Variants in RPS6KB1 observed in about 807,000 individuals in gnomAD.
The protein encoded by RPS6KB1 is ribosomal protein S6 kinase beta-1.
A neutral mutation model predicts 70.2 loss-of-function variants in RPS6KB1; 12 were observed. The ratio of observed to expected loss-of-function variants is 0.17; its 90% CI spans 0.11 to 0.28. RPS6KB1 has a LOEUF of 0.28. Among genes scored for constraint, RPS6KB1 ranks in the 10% least tolerant of loss-of-function variants. RPS6KB1 has a pLI of 1.00. For synonymous variants in RPS6KB1, 175 were observed against 211.2 expected (o/e 0.83, Z 1.49); for missense variants, 270 against 646.6 (o/e 0.42, Z 6.32).
intron 13 of RPS6KB1, among the ~76,000 whole-genome samples, chr17:59,943,539 T>C (rs2044736003): frequency 6.6e-6 from 1 of 152,130 alleles, no homozygotes; most frequent in South Asian, 2.1e-4. Flanking sequence ...ATTTGTTAGG[T>C]TGTAGCCAGA....
intron 4 of RPS6KB1, among the ~76,000 whole-genome samples, chr17:59,916,569 A>G (rs1471320323): frequency 6.6e-6 from 1 of 152,206 alleles, no homozygotes; most frequent in East Asian, 1.9e-4. Flanking sequence ...GATCAGGCTT[A>G]TAAGATAATC....
intron 4 of RPS6KB1, among the ~76,000 whole-genome samples, chr17:59,917,479 C>A (rs909254613): frequency 3.3e-5 from 5 of 151,902 alleles, no homozygotes; most frequent in Non-Finnish European, 7.4e-5. Context: ...ACTCTGTTTC[C>A]CAGGCTGGAG....
chr17:59,947,527 A>G lies in RPS6KB1; in HGVS notation c.*739A>G. Reference sequence around the variant, plus strand: ...GGTTTATTTTCAGTAACCCAGCTGCAATACCTGTCTGTAATATGAGAAAAA... The same window carrying G: ...GGTTTATTTTCAGTAACCCAGCTGCGATACCTGTCTGTAATATGAGAAAAA... On this transcript the variant is annotated 3_prime_UTR_variant, in exon 15 of 15. Coordinates refer to ENST00000225577, the MANE Select transcript of RPS6KB1 (RefSeq NM_003161.4). 2.0e-6 allele frequency: 3 copies of G among 1,532,852 alleles called. No homozygotes were observed. The highest frequency in any genetic ancestry group is 1.2e-5 in the South Asian group (1 of 81,796). 95.0% of individuals were successfully genotyped at this position (1,532,852 alleles called of 1,614,324 possible). A position where few individuals can be genotyped will look rare whatever the true frequency, so the allele number is the denominator to read the frequency against.
In RPS6KB1 at chr17:59,905,292, G is replaced by T. The variant is rs140676757; in HGVS notation, c.142-5270G>T. Among the ~76,000 whole-genome samples, 13 of 152,194 alleles carry T rather than the reference G, an allele frequency of 8.5e-5. No homozygotes were observed. The East Asian group carries it at 2.5e-3, about 29-fold the overall frequency. On this transcript the variant is annotated intron_variant, in intron 1 of 14. Coordinates refer to ENST00000225577, the MANE Select transcript of RPS6KB1 (RefSeq NM_003161.4). ...CAAAGTGTTGGGATTACAAGCATTAGCCGCTGTGCTCAGTCTCTTTGAGCT... is the reference window on the plus strand; with the variant it reads ...CAAAGTGTTGGGATTACAAGCATTATCCGCTGTGCTCAGTCTCTTTGAGCT...
Position 59,947,059 on chromosome 17 carries a change from T to C in RPS6KB1, c.*271T>C. 2.3e-6 allele frequency: 3 copies of C among 1,280,564 alleles called. No individual in the cohort carries two copies. Among genetic ancestry groups the C allele is most frequent in the Non-Finnish European group, 3.0e-6 (3 of 1,005,146 alleles). 79.3% of individuals were successfully genotyped at this position (1,280,564 alleles called of 1,614,324 possible). A position where few individuals can be genotyped will look rare whatever the true frequency, so the allele number is the denominator to read the frequency against. ...TTCTCAACCTTATCAAGGATTTTCA[T>C]GTTGATGACTCGAAACTGACAGTAT... On this transcript the variant is annotated 3_prime_UTR_variant, in exon 15 of 15. Coordinates refer to ENST00000225577, the MANE Select transcript of RPS6KB1 (RefSeq NM_003161.4).
Position 59,893,360 on chromosome 17 carries a change from A to G in RPS6KB1, c.141+35A>G. The G allele has an allele frequency of 1.3e-6, 2 of 1,571,916 alleles. No individual in the cohort carries two copies. The highest frequency in any genetic ancestry group is 8.6e-7 in the Non-Finnish European group (1 of 1,158,106). On this transcript the variant is annotated intron_variant, in intron 1 of 14. Transcript: ENST00000225577. The surrounding 1 kb of genome is among the most constrained non-coding windows in gnomAD (Gnocchi z 4.1). ...GGGGTCCCCGGGGGCCCGAGGTGAC[A>G]GGGCCGGGGCGGCGGCGCGGGCTCA...
At chr17:59,930,338 C>T (rs1443377126) in intron 6 of RPS6KB1, 164 bp downstream of exon 6, 5 of 661,058 alleles carry the variant, frequency 7.6e-6, no homozygotes, top group African/African-American at 7.3e-5. Context: ...ATGGAGGTCA[C>T]ATCATTCCTT....
At chr17:59,895,778 G>A (rs1361201426) in intron 1 of RPS6KB1, among the ~76,000 whole-genome samples, 1 of 151,146 alleles carries the variant, frequency 6.6e-6, no homozygotes, top group South Asian at 2.1e-4. Context: ...GACTACAGGC[G>A]CGCACCACCA....
At chr17:59,904,340 A>G (rs747873090) in intron 1 of RPS6KB1, among the ~76,000 whole-genome samples, 16 of 151,650 alleles carry the variant, frequency 1.1e-4, no homozygotes, top group South Asian at 1.0e-3. Flanking sequence ...TGGCCTCCCA[A>G]AGTGTTGGGA....
rs557823441 is a variant in RPS6KB1 at position 59,948,774 on chromosome 17, A to G, written c.*1986A>G. The G allele has an allele frequency of 2.2e-4, 33 of 152,692 alleles. No homozygotes were observed. The highest frequency in any genetic ancestry group is 7.5e-4 in the African/African-American group (31 of 41,568). The allele number at this position is 152,692 out of a possible 1,614,324, so 9.5% of individuals were successfully genotyped here. A position where few individuals can be genotyped will look rare whatever the true frequency, so the allele number is the denominator to read the frequency against. ...AATAATAATTAAGGGCAGAAATTAT[A>G]CTTAAAAAGTGCAGATCCTTGTTCT... On this transcript the variant is annotated 3_prime_UTR_variant, in exon 15 of 15. Transcript: ENST00000225577.
At chr17:59,903,368 G>C (rs1439822612) in intron 1 of RPS6KB1, among the ~76,000 whole-genome samples, 1 of 151,608 alleles carries the variant, frequency 6.6e-6, no homozygotes, top group Admixed American at 6.6e-5. Context: ...CCAGCTGTTC[G>C]GGAGGCTGAA....
At chr17:59,917,068 C>T (rs1245440592) in intron 4 of RPS6KB1, among the ~76,000 whole-genome samples, 1 of 152,052 alleles carries the variant, frequency 6.6e-6, no homozygotes, top group African/African-American at 2.4e-5. Context: ...CTCTTTATTT[C>T]TGATCTAAGT....
chr17:59,928,385 T>C (rs1160906783), intron 5 of RPS6KB1, among the ~76,000 whole-genome samples: 3 of 132,432 alleles, frequency 2.3e-5, no homozygotes. Context: ...TTTCTTTTCT[T>C]TTCTTTTTTT....
chr17:59,939,448 T>G (rs908719233), intron 12 of RPS6KB1, among the ~76,000 whole-genome samples: 11 of 152,108 alleles, frequency 7.2e-5, no homozygotes, highest in African/African-American at 2.7e-4. Context: ...CCCAGCTAAT[T>G]TTTGTGTTTC....
chr17:59,900,426 C>T (rs1349825174), intron 1 of RPS6KB1, among the ~76,000 whole-genome samples: 1 of 151,896 alleles, frequency 6.6e-6, no homozygotes, highest in Non-Finnish European at 1.5e-5. Flanking sequence ...AGTGCAATGG[C>T]GCGATCTTGG....
Position 59,910,611 on chromosome 17 carries a change from T to C in RPS6KB1, c.191T>C (p.Leu64Pro). 6.4e-7 allele frequency: 1 copy of C among 1,570,772 alleles called. No individual in the cohort carries two copies. The highest frequency in any genetic ancestry group is 8.7e-7 in the Non-Finnish European group (1 of 1,149,572). The change falls in exon 2 of 15, where the codon CTT becomes CCT. Residue 64 changes from leucine (L) to proline (P), a missense_variant and splice_region_variant. Leu to Pro is a moderately conservative substitution (Grantham distance 98). Coordinates refer to ENST00000225577, the MANE Select transcript of RPS6KB1 (RefSeq NM_003161.4). Reference protein sequence around the residue: ...MDHGGVGPYELGMEHCEKFEI... With the variant: ...MDHGGVGPYEPGMEHCEKFEI... ...CATGGGGGAGTTGGACCATATGAAC[T>C]GTAAGTTTATATGAAGAGATTTTCA...
At chr17:59,944,851 T>A (rs1168984683) in intron 13 of RPS6KB1, among the ~76,000 whole-genome samples, 1 of 150,650 alleles carries the variant, frequency 6.6e-6, no homozygotes, top group Non-Finnish European at 1.5e-5. Context: ...CAGGCTAGAA[T>A]GCAGTGGTGC....
intron 1 of RPS6KB1, among the ~76,000 whole-genome samples, chr17:59,899,042 A>G (rs2041743081): frequency 1.3e-5 from 2 of 151,790 alleles, no homozygotes; most frequent in African/African-American, 4.8e-5. Context: ...CGTCTCTATT[A>G]AAAATACAAA....
At chr17:59,915,000 T>C (rs906851326) in intron 4 of RPS6KB1, among the ~76,000 whole-genome samples, 1 of 151,798 alleles carries the variant, frequency 6.6e-6, no homozygotes, top group African/African-American at 2.4e-5. Context: ...TTCTTTTTTT[T>C]TTTTTTGAGA....
Sources: gnomAD v4.1 joint callset for allele counts (sites outside exome capture counted in the v4.1 genomes callset) on GRCh38, gnomAD v4.1.1 for gene constraint, Gnocchi (gnomAD v3.1) non-coding constraint, MANE v1.5 for transcripts, NCBI Gene and HGNC (gene_info 2026-07-23, HGNC 2026-07-21) for gene names.